The following UNC13C variants were observed in gnomAD, a reference collection of about 807,000 sequenced individuals.
UNC13C encodes unc-13 homolog C, also known as protein unc-13 homolog C.
UNC13C carries 174 observed loss-of-function variants against 245.4 expected under a neutral mutation model. The ratio of observed to expected loss-of-function variants is 0.71; its 90% confidence interval spans 0.63 to 0.80. The LOEUF is 0.80. Ranked by LOEUF, UNC13C falls within the 30% of genes least tolerant of loss-of-function variation. The probability of loss-of-function intolerance (pLI) is 0.00; values close to 1 mark genes in which losing one functional copy is unlikely to be tolerated. For synonymous variants in UNC13C, 992 were observed against 895.1 expected (o/e 1.11, Z -1.93); for missense variants, 2,829 against 2,602.9 (o/e 1.09, Z -1.89).
chr15:53,854,122 G>GTTTTTTTTTTTTTTTTTTTTTTT, the UNC13C span, among the ~76,000 whole-genome samples: 3 of 133,578 alleles, frequency 2.2e-5, no homozygotes, highest in African/African-American at 8.4e-5. Flanking sequence ...GTTTTTATAG[G>GTTTTTTTTTTTTTTTTTTTTTTT]TTTTTTTTTT....
At chr15:53,948,029 G>A in the UNC13C span, 1 of 152,106 alleles carries the variant, frequency 6.6e-6, no homozygotes, top group Non-Finnish European at 1.5e-5. Context: ...AGCGCAATTA[G>A]GTGAACATAT....
At chr15:54,111,597 C>A (rs1373983154) in intron 2 of UNC13C, among the ~76,000 whole-genome samples, 4 of 152,124 alleles carry the variant, frequency 2.6e-5, no homozygotes, top group Non-Finnish European at 5.9e-5. Flanking sequence ...ACCACAAGAC[C>A]TTTTAGTTCT....
chr15:54,565,023 T>C (rs1210468725), intron 29 of UNC13C, among the ~76,000 whole-genome samples: 1 of 152,010 alleles, frequency 6.6e-6, no homozygotes, highest in African/African-American at 2.4e-5. Flanking sequence ...TGTCTCTAGT[T>C]CATGAGGGTG....
At chr15:54,190,904 G>T (rs2034160502) in intron 4 of UNC13C, among the ~76,000 whole-genome samples, 1 of 151,870 alleles carries the variant, frequency 6.6e-6, no homozygotes, top group African/African-American at 2.4e-5. Flanking sequence ...TAGTAATTTA[G>T]AAAGTTGATC....
chr15:53,847,357 A>ATT, the UNC13C span, among the ~76,000 whole-genome samples: 4 of 139,950 alleles, frequency 2.9e-5, no homozygotes, highest in Non-Finnish European at 6.3e-5. Context: ...TTCATTAGCT[A>ATT]TTTTTTTTTT....
At chr15:54,593,545 T>A (rs758024871) in intron 30 of UNC13C, among the ~76,000 whole-genome samples, 44 of 152,150 alleles carry the variant, frequency 2.9e-4, no homozygotes, top group Non-Finnish European at 5.7e-4. Flanking sequence ...TTTGTCTTTG[T>A]CTTTGTTGGA....
At chr15:54,625,676 C>T (rs1035506171) in intron 32 of UNC13C, among the ~76,000 whole-genome samples, 3 of 152,136 alleles carry the variant, frequency 2.0e-5, no homozygotes, top group African/African-American at 4.8e-5. Context: ...CGTTTCAGCA[C>T]TCTGCTCTGA....
At chr15:54,512,422 C>T (rs1894792129) in intron 24 of UNC13C, 1 of 455,138 alleles carries the variant, frequency 2.2e-6, no homozygotes, top group African/African-American at 2.0e-5. Flanking sequence ...CTGTTCCCTC[C>T]AACCCTCACT....
intron 2 of UNC13C, among the ~76,000 whole-genome samples, chr15:54,120,850 A>G (rs1304330312): frequency 2.0e-5 from 3 of 152,098 alleles, no homozygotes; most frequent in Non-Finnish European, 4.4e-5. Flanking sequence ...TAAAAAGAGA[A>G]CTGGAATTAG....
chr15:53,898,502 A>C, the UNC13C span, among the ~76,000 whole-genome samples: 1 of 152,084 alleles, frequency 6.6e-6, no homozygotes, highest in African/African-American at 2.4e-5. Context: ...ACATTTCCCC[A>C]AACAGTAGCC....
At chr15:54,001,847 C>T (rs1364276100) in intron 1 of UNC13C, among the ~76,000 whole-genome samples, 4 of 152,294 alleles carry the variant, frequency 2.6e-5, no homozygotes, top group Non-Finnish European at 5.9e-5. Flanking sequence ...TATACCTTCC[C>T]CCACCCACAG....
intron 19 of UNC13C, among the ~76,000 whole-genome samples, chr15:54,427,731 A>C (rs1482381699): frequency 6.6e-6 from 1 of 151,782 alleles, no homozygotes; most frequent in African/African-American, 2.4e-5. Context: ...ATATTTTACT[A>C]TTGACAACTT....
chr15:54,338,636 A>T, intron 17 of UNC13C, 147 bp downstream of exon 17: 2 of 874,600 alleles, frequency 2.3e-6, no homozygotes. Context: ...TTTTCTTCAT[A>T]TTTGAATATC....
chr15:53,875,260 A>T, the UNC13C span, among the ~76,000 whole-genome samples: 1 of 152,242 alleles, frequency 6.6e-6, no homozygotes, highest in South Asian at 2.1e-4. Context: ...AGCAGTGTTC[A>T]TGGTAGAGCC....
At chr15:54,192,302 G>A (rs1200088898) in intron 4 of UNC13C, among the ~76,000 whole-genome samples, 1 of 152,014 alleles carries the variant, frequency 6.6e-6, no homozygotes, top group African/African-American at 2.4e-5. Context: ...TGACTATCAT[G>A]TATTAGTTTC....
At chr15:54,280,292 A>G (rs2036942187) in intron 10 of UNC13C, among the ~76,000 whole-genome samples, 1 of 152,062 alleles carries the variant, frequency 6.6e-6, no homozygotes, top group Admixed American at 6.6e-5. Flanking sequence ...ATTAAAAAGA[A>G]TGATGTGTCA....
chr15:53,912,207 G>C, the UNC13C span: 1 of 152,234 alleles, frequency 6.6e-6, no homozygotes, highest in Admixed American at 6.5e-5. Flanking sequence ...GAATGCCCAA[G>C]GAGGGGCAAG....
chr15:54,265,531 A>G, intron 10 of UNC13C, 35 bp downstream of exon 10: 1 of 1,410,486 alleles, frequency 7.1e-7, no homozygotes, highest in Non-Finnish European at 9.4e-7. Flanking sequence ...ACAAATATTA[A>G]ATTATTTAAC....
rs377599825 is a variant in UNC13C at position 54,609,710 on chromosome 15, A to G, written c.6107-12617A>G. Among the ~76,000 whole-genome samples the G allele has an allele frequency of 5.3e-5, 8 of 152,244 alleles. No individual in the cohort carries two copies. In the South Asian group the frequency reaches 6.2e-4, roughly 12 times the overall value. ...ACAAATACTTCTTTCTTCCCCCTAA[A>G]ATTGAGTAATATGCATGTAATTGTC... is the stretch of plus-strand genomic sequence containing the variant. On this transcript the variant is annotated intron_variant, in intron 30 of 32. Coordinates refer to ENST00000260323, the MANE Select transcript of UNC13C (RefSeq NM_001080534.3).
Sources: gnomAD v4.1 joint callset for allele counts (sites outside exome capture counted in the v4.1 genomes callset) on GRCh38, gnomAD v4.1.1 for gene constraint, MANE v1.5 for transcripts, NCBI Gene and HGNC (gene_info 2026-07-23, HGNC 2026-07-21) for gene names.